The following PCSK1 variants were observed in gnomAD, a reference collection of about 807,000 sequenced individuals.
The protein encoded by PCSK1 is neuroendocrine convertase 1.
A neutral mutation model predicts 90.6 loss-of-function variants in PCSK1; 56 were observed. That is an observed-to-expected ratio of 0.62 (90% CI 0.50 to 0.77). The LOEUF is 0.77. Ranked by LOEUF, PCSK1 falls within the 30% of genes least tolerant of loss-of-function variation. PCSK1 has a pLI of 0.00. For synonymous variants in PCSK1, 348 were observed against 342.4 expected (o/e 1.02, Z -0.18); for missense variants, 801 against 932.6 (o/e 0.86, Z 1.84).
intron 2 of PCSK1, among the ~76,000 whole-genome samples, chr5:96,428,162 G>A (rs557309481): frequency 1.3e-5 from 2 of 152,172 alleles, no homozygotes; most frequent in East Asian, 3.9e-4. Context: ...AATTCTATCA[G>A]TTTCAGAATG....
In PCSK1 at chr5:96,398,839, C is replaced by A. The variant is rs757051601; in HGVS notation, c.1588+40G>T. The A allele has an allele frequency of 5.3e-6, 8 of 1,509,444 alleles. No individual in the cohort carries two copies. In the South Asian group the frequency reaches 6.7e-5, roughly 13 times the overall value. 93.5% of individuals were successfully genotyped at this position (1,509,444 alleles called of 1,614,324 possible). Reference sequence around the variant, plus strand: ...TCAGTTATTTGAATCATTCAACTTACACTTAAAAATATAAATGGCTTAGAA... The same window carrying A: ...TCAGTTATTTGAATCATTCAACTTAAACTTAAAAATATAAATGGCTTAGAA... On this transcript the variant is annotated intron_variant, in intron 11 of 13. Transcript: ENST00000311106.
intron 5 of PCSK1, among the ~76,000 whole-genome samples, chr5:96,416,565 G>A (rs1171264306): frequency 6.6e-6 from 1 of 152,160 alleles, no homozygotes; most frequent in Non-Finnish European, 1.5e-5. Context: ...TTTCTCCCTA[G>A]TGACTGCCTT....
intron 9 of PCSK1, among the ~76,000 whole-genome samples, chr5:96,402,530 C>A (rs1760416824): frequency 6.6e-6 from 1 of 152,106 alleles, no homozygotes; most frequent in Non-Finnish European, 1.5e-5. Context: ...TTGGTCCCTC[C>A]CCGCCTCACA....
chr5:96,396,872 T>A (rs994022340), intron 12 of PCSK1, among the ~76,000 whole-genome samples: 1 of 152,198 alleles, frequency 6.6e-6, no homozygotes, highest in Non-Finnish European at 1.5e-5. Flanking sequence ...TTTAAAAAAG[T>A]CATATTAAAT....
At chr5:96,432,131 G>A (rs1329206814) in intron 1 of PCSK1, 1 of 1,535,602 alleles carries the variant, frequency 6.5e-7, no homozygotes, top group South Asian at 1.2e-5. Flanking sequence ...TAGTCAGTTC[G>A]GCATCTCGAC....
chr5:96,410,779 T>C lies in PCSK1; in HGVS notation c.1090A>G (p.Arg364Gly), dbSNP rs1371511546. The change falls in exon 8 of 14, where the codon AGA becomes GGA. Residue 364 changes from arginine to glycine, a missense_variant. Coordinates refer to ENST00000311106, the MANE Select transcript of PCSK1 (RefSeq NM_000439.5). ...ATTAGACAAAAGCAACATACGATTC[T>C]CTGGTCGGTGTAATCTCCGCTGCTG... ...SYSSGDYTDQ[R>G]ITSADLHNDC... 1 of 1,612,780 alleles carries C rather than the reference T, an allele frequency of 6.2e-7. No homozygotes were observed. Among genetic ancestry groups the C allele is most frequent in the African/African-American group, 1.3e-5 (1 of 74,896 alleles).
intron 12 of PCSK1, among the ~76,000 whole-genome samples, chr5:96,396,838 C>T (rs1413616184): frequency 2.0e-5 from 3 of 152,118 alleles, no homozygotes; most frequent in Admixed American, 1.3e-4. Flanking sequence ...GAAATGCTTT[C>T]GGTTTGTTTC....
In PCSK1 at chr5:96,426,458, G is replaced by A. The variant is rs150612133; in HGVS notation, c.286-528C>T. On this transcript the variant is annotated intron_variant, in intron 2 of 13. Transcript: ENST00000311106. The stretch of plus-strand genomic sequence containing the variant: ...TTTGAAACTCCCTCCCCTGTGCTTC[G>A]ACCTCTGCTTAAAAGTATTTAATAT... Among the ~76,000 whole-genome samples the A allele has an allele frequency of 8.1e-3, 1,238 of 152,140 alleles. 5 individuals are homozygous for A. Among genetic ancestry groups the A allele is most frequent in the Non-Finnish European group, 0.013 (893 of 67,980 alleles).
intron 2 of PCSK1, among the ~76,000 whole-genome samples, 171 bp from the exon 3 acceptor site, chr5:96,426,101 G>A (rs758241292): frequency 1.3e-5 from 2 of 152,210 alleles, no homozygotes; most frequent in Admixed American, 6.5e-5. Context: ...GCCCACTGGG[G>A]AGATGAATAT....
chr5:96,431,244 A>G (rs1761484226), intron 1 of PCSK1, among the ~76,000 whole-genome samples: 1 of 152,168 alleles, frequency 6.6e-6, no homozygotes, highest in Admixed American at 6.5e-5. Context: ...ACTAAACTGT[A>G]TTATGTCTCA....
rs1761291996 is a variant in PCSK1 at position 96,425,893 on chromosome 5, C to G, written c.323G>C (p.Ser108Thr). The G allele has an allele frequency of 5.0e-6, 8 of 1,612,558 alleles. No individual in the cohort carries two copies. The highest frequency in any genetic ancestry group is 6.8e-6 in the Non-Finnish European group (8 of 1,178,726). ...WAEQQYEKERSKRSALRDSAL... is the reference protein window; with the variant it reads ...WAEQQYEKERTKRSALRDSAL... ...TGAGTCCCTTAGAGCTGAACGTTTA[C>G]TTCTTTCTTTTTCATACTGTTGTTC... Residue 108 changes from serine (S) to threonine (T), a missense_variant, in exon 3 of 14, where the codon AGT (serine) becomes ACT (threonine). Coordinates refer to ENST00000311106, the MANE Select transcript of PCSK1 (RefSeq NM_000439.5).
rs964874776 is a variant in PCSK1 at position 96,391,797 on chromosome 5, T to A, written c.*1204A>T. ...GAATGAGGTTTTATGTGAAACATCATATTTTCAATAACCACTCATATTTTA... is the reference window on the plus strand; with the variant it reads ...GAATGAGGTTTTATGTGAAACATCAAATTTTCAATAACCACTCATATTTTA... On this transcript the variant is annotated 3_prime_UTR_variant, in exon 14 of 14. Transcript: ENST00000311106. The A allele has an allele frequency of 1.3e-5, 2 of 152,196 alleles. No homozygotes were observed. Among genetic ancestry groups the A allele is most frequent in the Non-Finnish European group, 2.9e-5 (2 of 68,040 alleles). The allele number at this position is 152,196 out of a possible 1,614,324, so 9.4% of individuals were successfully genotyped here.
intron 3 of PCSK1, among the ~76,000 whole-genome samples, chr5:96,424,109 G>C (rs1761210889): frequency 1.3e-5 from 2 of 152,174 alleles, no homozygotes; most frequent in South Asian, 4.1e-4. Context: ...GGTAGCAAGG[G>C]AACACAGATA....
At chr5:96,423,532 A>G (rs1242403053) in intron 3 of PCSK1, 73 bp from the exon 4 acceptor site, 2 of 1,316,320 alleles carry the variant, frequency 1.5e-6, no homozygotes, top group Admixed American at 1.7e-5. Flanking sequence ...TTCAGTTCCA[A>G]CCTGGAGACC....
intron 9 of PCSK1, among the ~76,000 whole-genome samples, chr5:96,404,861 C>T (rs56036020): frequency 0.04 from 6,094 of 152,072 alleles, 139 homozygotes; most frequent in Middle Eastern, 0.11. Context: ...ATGTTGTAAG[C>T]GTTATAATTA....
chr5:96,402,892 C>T (rs1760430492), intron 9 of PCSK1, among the ~76,000 whole-genome samples: 1 of 152,158 alleles, frequency 6.6e-6, no homozygotes, highest in Non-Finnish European at 1.5e-5. Context: ...GCCTCATGAT[C>T]ACCTGGTACA....
chr5:96,424,316 G>A (rs960975734), intron 3 of PCSK1, among the ~76,000 whole-genome samples: 1 of 152,174 alleles, frequency 6.6e-6, no homozygotes, highest in African/African-American at 2.4e-5. Context: ...GTATGAAGCT[G>A]AATCACAGGA....
Position 96,392,860 on chromosome 5 carries a change from GT to G in PCSK1, c.*140del. The G allele has an allele frequency of 1.2e-6, 1 of 847,242 alleles. No individual in the cohort carries two copies. The highest frequency in any genetic ancestry group is 2.0e-6 in the Non-Finnish European group (1 of 512,116). 52.5% of individuals were successfully genotyped at this position (847,242 alleles called of 1,614,324 possible). On this transcript the variant is annotated 3_prime_UTR_variant, in exon 14 of 14. Coordinates refer to ENST00000311106, the MANE Select transcript of PCSK1 (RefSeq NM_000439.5). ...TGAGCTCATCCCCTTCACATGTACA[GT>G]TTAGGGAGAAAAAGAAAAGGTGCCA... is the stretch of plus-strand genomic sequence containing the variant.
At chr5:96,403,885 T>G (rs1006726381) in intron 9 of PCSK1, among the ~76,000 whole-genome samples, 8 of 152,348 alleles carry the variant, frequency 5.3e-5, no homozygotes, top group Middle Eastern at 3.4e-3. Flanking sequence ...TCCATTTCTC[T>G]TTCTCCAGGT....
Sources: gnomAD v4.1 joint callset for allele counts (sites outside exome capture counted in the v4.1 genomes callset) on GRCh38, gnomAD v4.1.1 for gene constraint, MANE v1.5 for transcripts, NCBI Gene and HGNC (gene_info 2026-07-23, HGNC 2026-07-21) for gene names.